Variants in TMEM255A observed in about 807,000 individuals in gnomAD.
The protein encoded by TMEM255A is transmembrane protein 255A.
Under a neutral mutation model 23.5 loss-of-function variants are expected in TMEM255A, and 14 were observed. The observed-to-expected ratio is 0.60, with a 90% CI of 0.39 to 0.93. The LOEUF is 0.93. Ranked by LOEUF, TMEM255A falls within the 40% of genes least tolerant of loss-of-function variation. TMEM255A has a pLI of 0.00. For synonymous variants in TMEM255A, 104 were observed against 100.3 expected, an observed-to-expected ratio of 1.04 and a Z score of -0.22; for missense variants, 233 against 261.7, an observed-to-expected ratio of 0.89 and a Z score of 0.76.
At chrX:120,289,085 C>G (rs782454342) in intron 4 of TMEM255A, among the ~76,000 whole-genome samples, 1 of 111,684 alleles carries the variant, frequency 9.0e-6, no homozygotes, top group African/African-American at 3.3e-5. Context: ...ACAGCTGGCT[C>G]TCACCCATCC....
downstream of TMEM255A, chrX:120,254,146 C>T: frequency 8.3e-7 from 1 of 1,211,666 alleles, no homozygotes; most frequent in South Asian, 1.8e-5. Context: ...ACAAATATCA[C>T]ACCTACTCAG....
At chrX:120,266,161 A>G (rs1308504258) in intron 8 of TMEM255A, among the ~76,000 whole-genome samples, 1 of 109,383 alleles carries the variant, frequency 9.1e-6, no homozygotes, top group African/African-American at 3.3e-5. Context: ...CTCAAAAAAA[A>G]AAAAAAAGGA....
At chrX:120,310,395 G>C (rs921618540) in intron 1 of TMEM255A, among the ~76,000 whole-genome samples, 1 of 110,625 alleles carries the variant, frequency 9.0e-6, no homozygotes, top group Non-Finnish European at 1.9e-5. Context: ...GTTGGTGCCC[G>C]AAGGTAGCTG....
At chrX:120,266,474 A>T (rs932572552) in intron 8 of TMEM255A, among the ~76,000 whole-genome samples, 2 of 111,432 alleles carry the variant, frequency 1.8e-5, no homozygotes, top group African/African-American at 6.5e-5. Context: ...CACCGTTGGC[A>T]TTCTCAATCT....
At chrX:120,292,028 G>A (rs1556023088) in intron 3 of TMEM255A, among the ~76,000 whole-genome samples, 1 of 110,935 alleles carries the variant, frequency 9.0e-6, no homozygotes. Flanking sequence ...AATTTTTTTA[G>A]AGACAGGTCT....
chrX:120,275,501 T>C (rs936348215), intron 7 of TMEM255A, among the ~76,000 whole-genome samples: 2 of 111,354 alleles, frequency 1.8e-5, no homozygotes, highest in African/African-American at 6.5e-5. Context: ...AATTACAAAC[T>C]GCCTTTCAGG....
chrX:120,280,419 T>C (rs1337029934), intron 6 of TMEM255A, among the ~76,000 whole-genome samples: 2 of 47,114 alleles, frequency 4.2e-5, no homozygotes, highest in African/African-American at 1.3e-4. Flanking sequence ...AGCCATTTAA[T>C]TTTTTTTTTT....
intron 1 of TMEM255A, among the ~76,000 whole-genome samples, chrX:120,305,914 G>C (rs2058062002): frequency 8.9e-6 from 1 of 111,774 alleles, no homozygotes; most frequent in Admixed American, 9.5e-5. Context: ...AAGGGAGGTG[G>C]GAGGGGCAGG....
At chrX:120,282,549 C>T (rs963605829) in intron 6 of TMEM255A, among the ~76,000 whole-genome samples, 4 of 111,707 alleles carry the variant, frequency 3.6e-5, no homozygotes, top group Non-Finnish European at 3.8e-5. Context: ...CCCTTTTCAT[C>T]GGCTCTTTAC....
chrX:120,288,084 C>T (rs1288700445), intron 4 of TMEM255A, among the ~76,000 whole-genome samples: 1 of 111,619 alleles, frequency 9.0e-6, no homozygotes, highest in African/African-American at 3.3e-5. Context: ...ACAACTTATG[C>T]AAATTGACCT....
At position 120,285,656 on chromosome X, in the gene TMEM255A, A is replaced by G. The variant is rs782068380; in HGVS notation, c.424-441T>C. 2.4e-5 allele frequency: 29 copies of G among 1,209,356 alleles called. No homozygotes were observed. The South Asian group carries it at 5.1e-4, about 21-fold the overall frequency. ...AGCTGCCTGGGTAAGGTTCCTCATA[A>G]CCCTCGTGGAAGGAGAATTTTTGGT... On this transcript the variant is annotated intron_variant, in intron 5 of 8. Transcript: ENST00000371369.
At chrX:120,265,772 T>C (rs1298534157) in intron 8 of TMEM255A, among the ~76,000 whole-genome samples, 1 of 111,265 alleles carries the variant, frequency 9.0e-6, no homozygotes, top group Non-Finnish European at 1.9e-5. Context: ...AGGTAAATGA[T>C]TGAATGATGA....
At chrX:120,296,987 AT>A (rs1312484741) in intron 2 of TMEM255A, among the ~76,000 whole-genome samples, 178 of 3,863 alleles carry the variant, frequency 0.046, 34 homozygotes, top group African/African-American at 0.2. Context: ...TATATTATAT[AT>A]ATATTATATA....
chrX:120,296,681 TTA>T (rs2057961752), intron 2 of TMEM255A, among the ~76,000 whole-genome samples: 1 of 62,459 alleles, frequency 1.6e-5, no homozygotes, highest in Non-Finnish European at 2.7e-5. Context: ...TATATTATAT[TTA>T]ATATATATAT....
chrX:120,251,613 A>G, the TMEM255A span, among the ~76,000 whole-genome samples: 2 of 111,824 alleles, frequency 1.8e-5, no homozygotes, highest in Admixed American at 1.9e-4. Flanking sequence ...CAGCTGCCGC[A>G]GGGAGCCGCG....
At chrX:120,305,979 T>A (rs1415701742) in intron 1 of TMEM255A, among the ~76,000 whole-genome samples, 1 of 111,604 alleles carries the variant, frequency 9.0e-6, no homozygotes, top group Non-Finnish European at 1.9e-5. Context: ...TCAGGGTCAT[T>A]TCTAATATGG....
intron 8 of TMEM255A, 113 bp from the exon 9 acceptor site, chrX:120,261,141 A>G: frequency 2.0e-6 from 2 of 981,164 alleles, no homozygotes; most frequent in South Asian, 2.7e-5. Context: ...TTGGAAGAAC[A>G]GAGAGCTCCC....
intron 8 of TMEM255A, among the ~76,000 whole-genome samples, chrX:120,264,938 C>A (rs782356334): frequency 9.5e-6 from 1 of 104,875 alleles, no homozygotes; most frequent in Admixed American, 1.0e-4. Flanking sequence ...AGTGCAATGG[C>A]GTGATCTCGG....
At chrX:120,268,753 T>A (rs901287107) in intron 7 of TMEM255A, among the ~76,000 whole-genome samples, 22 of 112,117 alleles carry the variant, frequency 2.0e-4, no homozygotes, top group Non-Finnish European at 4.1e-4. Context: ...ACTATATATG[T>A]CAAAATGTTT....
Sources: allele counts gnomAD v4.1 joint callset (sites outside exome capture counted in the v4.1 genomes callset), GRCh38; gene constraint gnomAD v4.1.1; transcripts MANE v1.5; gene names NCBI Gene and HGNC (gene_info 2026-07-23, HGNC 2026-07-21).